SMC4: variants seen among roughly 807,000 people sequenced by gnomAD.
The protein encoded by SMC4 is structural maintenance of chromosomes 4.
Under a neutral mutation model 145.6 loss-of-function variants are expected in SMC4, and 87 were observed. The observed-to-expected ratio is 0.60, with a 90% confidence interval of 0.50 to 0.71. SMC4 has a LOEUF of 0.71. Among genes scored for constraint, SMC4 ranks in the 30% least tolerant of loss-of-function variants. The pLI, the probability that SMC4 is intolerant of heterozygous loss-of-function variation, is 0.00. For missense variants in SMC4, 1,447 were observed against 1,537.1 expected, an observed-to-expected ratio of 0.94 and a Z score of 0.98; for synonymous variants, 558 against 500.7, an observed-to-expected ratio of 1.11 and a Z score of -1.53.
intron 8 of SMC4, chr3:160,414,159 TAGAA>T (rs1328279886): frequency 1.7e-5 from 10 of 572,528 alleles, no homozygotes; most frequent in East Asian, 3.9e-5. Flanking sequence ...CCCTCCAACT[TAGAA>T]AGGCAAAATA....
At position 160,423,543 on chromosome 3, in the gene SMC4, G is replaced by A. The variant is rs777009663; in HGVS notation, c.2138G>A (p.Arg713Gln). The A allele has an allele frequency of 7.4e-6, 12 of 1,613,516 alleles. No individual in the cohort carries two copies. The highest frequency in any genetic ancestry group is 1.7e-5 in the Admixed American group (1 of 59,954). The change falls in exon 14 of 24, where the codon CGA becomes CAA. Residue 713 changes from arginine to glutamine, a missense_variant. Coordinates refer to ENST00000357388, the MANE Select transcript of SMC4 (RefSeq NM_001002800.3). ...CGCCAAGCTTTTTATTTTGCTTTACGAGATACCTTAGTAGCTGACAACTTG... is the reference window on the plus strand; with the variant it reads ...CGCCAAGCTTTTTATTTTGCTTTACAAGATACCTTAGTAGCTGACAACTTG... Reference protein sequence around the residue: ...KIRQAFYFALRDTLVADNLDQ... With the variant: ...KIRQAFYFALQDTLVADNLDQ...
rs570299059 is a variant in SMC4 at position 160,411,804 on chromosome 3, A to T, written c.688-116A>T. ...ATTAAATCATTGCACTACTAACTGT[A>T]CATTATTTAGATGTTTATTACTCTT... On this transcript the variant is annotated intron_variant, in intron 5 of 23. Transcript: ENST00000357388. 1.9e-5 allele frequency: 14 copies of T among 722,584 alleles called. No homozygotes were observed. The East Asian group carries it at 3.8e-4, about 19-fold the overall frequency. The allele number at this position is 722,584 out of a possible 1,614,324, so 44.8% of individuals were successfully genotyped here. A position where few individuals can be genotyped will look rare whatever the true frequency, so the allele number is the denominator to read the frequency against.
chr3:160,423,710 T>A, intron 14 of SMC4, 51 bp from the exon 15 acceptor site: 1 of 1,600,858 alleles, frequency 6.2e-7, no homozygotes, highest in South Asian at 1.1e-5. Flanking sequence ...TGACTTTATT[T>A]AATCTTGTTG....
In SMC4 at chr3:160,425,263, CT is replaced by C. The variant is rs1369279229; in HGVS notation, c.2478+247del. 3.9e-5 allele frequency among the ~76,000 whole-genome samples: 6 copies of C among 152,274 alleles called. No individual in the cohort carries two copies. In the East Asian group the frequency reaches 1.2e-3, roughly 29 times the overall value. ...CCGTTTGTACTCCATAGAAACATTA[CT>C]TTCCTTAACAACTATATGACCCTTT... On this transcript the variant is annotated intron_variant, in intron 16 of 23. Transcript: ENST00000357388.
At chr3:160,423,394 TG>T in intron 13 of SMC4, 30 bp from the exon 14 acceptor site, 1 of 1,309,688 alleles carries the variant, frequency 7.6e-7, no homozygotes. Context: ...TGTTAACTGT[TG>T]TTTTTGTTTG....
intron 15 of SMC4, among the ~76,000 whole-genome samples, chr3:160,424,143 G>A (rs1341791000): frequency 6.6e-6 from 1 of 151,270 alleles, no homozygotes; most frequent in Admixed American, 6.6e-5. Context: ...GGTTTTTTTT[G>A]TATTATTGCT....
intron 11 of SMC4, 74 bp from the exon 12 acceptor site, chr3:160,419,284 C>A: frequency 2.1e-6 from 2 of 963,194 alleles, no homozygotes; most frequent in Non-Finnish European, 1.5e-6. Flanking sequence ...TAAAGCATTA[C>A]AACTAATTCA....
intron 5 of SMC4, among the ~76,000 whole-genome samples, chr3:160,407,014 TAGAGTTTTA>T (rs1169146184): frequency 2.0e-5 from 3 of 152,204 alleles, no homozygotes; most frequent in Non-Finnish European, 4.4e-5. Flanking sequence ...TCTGTACAAG[TAGAGTTTTA>T]TTAGCTCTGT....
intron 5 of SMC4, among the ~76,000 whole-genome samples, chr3:160,411,592 TAAAG>T (rs1715994144): frequency 6.6e-6 from 1 of 152,202 alleles, no homozygotes; most frequent in Non-Finnish European, 1.5e-5. Flanking sequence ...AAATTTTACT[TAAAG>T]AAACAAGTTT....
chr3:160,413,357 T>C, intron 7 of SMC4, 116 bp from the exon 8 acceptor site: 1 of 984,380 alleles, frequency 1.0e-6, no homozygotes, highest in Non-Finnish European at 1.5e-6. Flanking sequence ...TAGGCAGTCA[T>C]ATATTGACTA....
intron 15 of SMC4, among the ~76,000 whole-genome samples, chr3:160,424,052 C>T (rs1230830099): frequency 6.6e-6 from 1 of 152,060 alleles, no homozygotes; most frequent in African/African-American, 2.4e-5. Context: ...GCTCAAAGTA[C>T]ACTTTTTAAT....
chr3:160,430,379 TAAGA>T (rs1186719224), intron 18 of SMC4, among the ~76,000 whole-genome samples: 1 of 152,206 alleles, frequency 6.6e-6, no homozygotes, highest in Non-Finnish European at 1.5e-5. Flanking sequence ...GCAGCTTATA[TAAGA>T]AAGGCATTTA....
At chr3:160,422,867 G>T (rs192128919) in intron 13 of SMC4, among the ~76,000 whole-genome samples, 2 of 152,118 alleles carry the variant, frequency 1.3e-5, no homozygotes, top group Admixed American at 1.3e-4. Flanking sequence ...CTTTCCATGT[G>T]GCTATCCAGT....
chr3:160,404,143 C>A, intron 4 of SMC4, 185 bp from the exon 5 acceptor site: 1 of 542,862 alleles, frequency 1.8e-6, no homozygotes, highest in Non-Finnish European at 3.1e-6. Context: ...ACCAAAACAG[C>A]ATGGAAAAGT....
chr3:160,407,644 C>T (rs189252391), intron 5 of SMC4, among the ~76,000 whole-genome samples: 5 of 151,538 alleles, frequency 3.3e-5, no homozygotes, highest in Admixed American at 2.0e-4. Context: ...GCCTAGCCAT[C>T]TGTTCTTTTT....
rs982131691 is a variant in SMC4, at chr3:160,399,701, G to C, written c.-54G>C. The C allele has an allele frequency of 1.3e-5, 2 of 152,624 alleles. No homozygotes were observed. Among genetic ancestry groups the C allele is most frequent in the South Asian group, 4.1e-4 (2 of 4,830 alleles). The allele number at this position is 152,624 out of a possible 1,614,324, so 9.5% of individuals were successfully genotyped here. On this transcript the variant is annotated 5_prime_UTR_variant, in exon 1 of 24. Transcript: ENST00000357388. ...AAACACCGGTAGGAGCGGGGAGGTGGGTACTACACAACCGTCTCCAGCCTT... is the reference window on the plus strand; with the variant it reads ...AAACACCGGTAGGAGCGGGGAGGTGCGTACTACACAACCGTCTCCAGCCTT...
At chr3:160,414,295 C>G (rs1716361357) in intron 8 of SMC4, 72 bp from the exon 9 acceptor site, 1 of 1,224,642 alleles carries the variant, frequency 8.2e-7, no homozygotes, top group Non-Finnish European at 1.2e-6. Context: ...AGGAAGTGTT[C>G]CAGGTAGGAA....
At position 160,433,843 on chromosome 3, in the gene SMC4, T is replaced by TATATAAGGGAAAA; in HGVS notation, c.*34_*35insATATAAGGGAAAA. ...CTGAAGATTCTTCAAGTTGATTCAG[T>TATATAAGGGAAAA]GTATTACTGATTTTTTTCTATTTGT... is the stretch of plus-strand genomic sequence containing the variant. On this transcript the variant is annotated 3_prime_UTR_variant, in exon 24 of 24. Coordinates refer to ENST00000357388, the MANE Select transcript of SMC4 (RefSeq NM_001002800.3). The TATATAAGGGAAAA allele has an allele frequency of 6.5e-7, 1 of 1,530,260 alleles. No homozygotes were observed. The highest frequency in any genetic ancestry group is 8.9e-7 in the Non-Finnish European group (1 of 1,124,960). 94.8% of individuals were successfully genotyped at this position (1,530,260 alleles called of 1,614,324 possible). A position where few individuals can be genotyped will look rare whatever the true frequency, so the allele number is the denominator to read the frequency against.
At chr3:160,424,292 A>C (rs920837159) in intron 15 of SMC4, among the ~76,000 whole-genome samples, 4 of 152,148 alleles carry the variant, frequency 2.6e-5, no homozygotes, top group South Asian at 4.1e-4. Flanking sequence ...CTTTTCCCAA[A>C]GTGTTGTGCT....
Sources: allele counts gnomAD v4.1 joint callset (sites outside exome capture counted in the v4.1 genomes callset), GRCh38; gene constraint gnomAD v4.1.1; transcripts MANE v1.5; gene names NCBI Gene and HGNC (gene_info 2026-07-23, HGNC 2026-07-21).